MSRA: variants seen among roughly 807,000 people sequenced by gnomAD.
MSRA encodes the protein mitochondrial peptide methionine sulfoxide reductase.
MSRA carries 54 observed loss-of-function variants against 31.3 expected under a neutral mutation model. The observed-to-expected ratio is 1.73, with a 90% confidence interval of 1.39 to 2.17. The LOEUF (loss-of-function observed/expected upper bound fraction) is 2.17. Among genes scored for constraint, MSRA ranks in the 30% most tolerant of loss-of-function variants. The pLI is 0.00. For synonymous variants in MSRA, 169 were observed against 116.5 expected (o/e 1.45, Z -2.90); for missense variants, 507 against 300.9 (o/e 1.69, Z -5.07).
chr8:10,082,088 C>G (rs1475226700), intron 1 of MSRA, among the ~76,000 whole-genome samples: 2 of 152,000 alleles, frequency 1.3e-5, no homozygotes, highest in Non-Finnish European at 2.9e-5. Flanking sequence ...CACCCGTAGT[C>G]CCAGCTACTT....
intron 1 of MSRA, among the ~76,000 whole-genome samples, chr8:10,140,293 G>T (rs539637310): frequency 2.6e-5 from 4 of 152,308 alleles, no homozygotes; most frequent in Admixed American, 6.5e-5. Context: ...CTTATGACCT[G>T]CCATAGGGGA....
intron 1 of MSRA, among the ~76,000 whole-genome samples, chr8:10,117,373 C>A (rs997288040): frequency 6.6e-6 from 1 of 152,158 alleles, no homozygotes; most frequent in South Asian, 2.1e-4. Flanking sequence ...ACAGCTCTTC[C>A]CTAGACTGGG....
At chr8:10,374,887 G>A (rs544497906) in intron 5 of MSRA, among the ~76,000 whole-genome samples, 1 of 152,108 alleles carries the variant, frequency 6.6e-6, no homozygotes, top group East Asian at 1.9e-4. Flanking sequence ...GGTAATAAGG[G>A]AGTTCTCACC....
intron 3 of MSRA, among the ~76,000 whole-genome samples, chr8:10,262,741 T>A (rs946520224): frequency 6.6e-6 from 1 of 152,212 alleles, no homozygotes; most frequent in African/African-American, 2.4e-5. Context: ...CCAGAGTAGT[T>A]CTGGGAAGGT....
chr8:10,423,932 T>C (rs1283053756), intron 5 of MSRA, among the ~76,000 whole-genome samples: 2 of 151,548 alleles, frequency 1.3e-5, no homozygotes, highest in Non-Finnish European at 3.0e-5. Flanking sequence ...CATTCATTCA[T>C]TAATTGCACA....
chr8:10,199,961 A>G (rs945478572), intron 1 of MSRA, among the ~76,000 whole-genome samples: 3 of 152,200 alleles, frequency 2.0e-5, no homozygotes, highest in African/African-American at 7.2e-5. Flanking sequence ...GTACCAGCTT[A>G]TGCCTCACCA....
chr8:10,191,898 T>C (rs1168308824), intron 1 of MSRA, among the ~76,000 whole-genome samples: 3 of 152,212 alleles, frequency 2.0e-5, no homozygotes, highest in Admixed American at 1.3e-4. Context: ...ACAACACTCA[T>C]TTACTATCCC....
chr8:10,415,006 G>A (rs1808371144), intron 5 of MSRA, among the ~76,000 whole-genome samples: 1 of 152,186 alleles, frequency 6.6e-6, no homozygotes, highest in African/African-American at 2.4e-5. Context: ...AAAGCCAGCA[G>A]ACCTCAAAGG....
At chr8:10,121,665 C>G (rs753684162) in intron 1 of MSRA, among the ~76,000 whole-genome samples, 3 of 151,798 alleles carry the variant, frequency 2.0e-5, no homozygotes, top group Non-Finnish European at 4.4e-5. Context: ...TTCTTACTCC[C>G]TCTCCCTCTC....
Position 10,225,453 on chromosome 8 carries a change from C to G in MSRA, c.211+17552C>G, listed in dbSNP as rs1585212273. On this transcript the variant is annotated intron_variant, in intron 2 of 5. Coordinates refer to ENST00000317173, the MANE Select transcript of MSRA (RefSeq NM_012331.5). ...TGGGGCCTAGTCTCAAATATAAGCC[C>G]TGAATATAAATACTTGTTAGATGAA... Among the ~76,000 whole-genome samples the G allele has an allele frequency of 2.6e-5, 4 of 152,168 alleles. No individual in the cohort carries two copies. The East Asian group carries it at 7.7e-4, about 29-fold the overall frequency.
intron 1 of MSRA, among the ~76,000 whole-genome samples, chr8:10,084,155 C>G (rs988922463): frequency 1.3e-5 from 2 of 152,260 alleles, no homozygotes; most frequent in Non-Finnish European, 1.5e-5. Flanking sequence ...GGAGTACTCT[C>G]CGACTTGTCC....
At chr8:10,280,267 C>G (rs781223747) in intron 3 of MSRA, among the ~76,000 whole-genome samples, 8 of 151,940 alleles carry the variant, frequency 5.3e-5, no homozygotes, top group Non-Finnish European at 8.8e-5. Context: ...ACTTTTGCCC[C>G]CCTCTTTTAG....
intron 1 of MSRA, among the ~76,000 whole-genome samples, chr8:10,140,472 A>T (rs928736808): frequency 6.6e-6 from 1 of 152,200 alleles, no homozygotes; most frequent in African/African-American, 2.4e-5. Flanking sequence ...CATTTGCCAT[A>T]AATGTTTAGC....
At chr8:10,371,352 T>G (rs1805464510) in intron 5 of MSRA, among the ~76,000 whole-genome samples, 1 of 151,920 alleles carries the variant, frequency 6.6e-6, no homozygotes, top group Non-Finnish European at 1.5e-5. Flanking sequence ...GGGGAGAGTG[T>G]CCTCAGTCCC....
chr8:10,183,779 T>TGGG (rs1806761444), intron 1 of MSRA, among the ~76,000 whole-genome samples: 1 of 145,046 alleles, frequency 6.9e-6, no homozygotes, highest in African/African-American at 2.6e-5. Flanking sequence ...GAGCTGGTGG[T>TGGG]GGTGGTGGTG....
At position 10,428,538 on chromosome 8, in the gene MSRA, C is replaced by T; in HGVS notation, c.*226C>T. 1 of 489,448 alleles carries T rather than the reference C, an allele frequency of 2.0e-6. No homozygotes were observed. The highest frequency in any genetic ancestry group is 3.6e-6 in the Non-Finnish European group (1 of 274,454). 30.3% of individuals were successfully genotyped at this position (489,448 alleles called of 1,614,324 possible). On this transcript the variant is annotated 3_prime_UTR_variant, in exon 6 of 6. Coordinates refer to ENST00000317173, the MANE Select transcript of MSRA (RefSeq NM_012331.5). The stretch of plus-strand genomic sequence containing the variant: ...GGTGGGAGTGGAGCTGTGCAGTTTC[C>T]TGTGTCTTCTGGGGTCTGAGTGAAG...
intron 1 of MSRA, among the ~76,000 whole-genome samples, chr8:10,152,825 TA>T (rs1344655391): frequency 6.6e-6 from 1 of 152,088 alleles, no homozygotes; most frequent in Non-Finnish European, 1.5e-5. Flanking sequence ...TATTCAGCCT[TA>T]AAAAGGAAGG....
intron 3 of MSRA, among the ~76,000 whole-genome samples, chr8:10,300,606 C>T (rs944138137): frequency 1.2e-4 from 19 of 152,172 alleles, no homozygotes; most frequent in African/African-American, 4.6e-4. Context: ...CCAGGCTACT[C>T]GAACTCCTGA....
intron 1 of MSRA, among the ~76,000 whole-genome samples, chr8:10,159,403 A>G (rs12678468): frequency 0.25 from 38,321 of 152,048 alleles, 5,882 homozygotes; most frequent in East Asian, 0.49. Context: ...TTGTTAATAT[A>G]TATCAGCAGT....
Sources: allele counts gnomAD v4.1 joint callset (sites outside exome capture counted in the v4.1 genomes callset), GRCh38; gene constraint gnomAD v4.1.1; transcripts MANE v1.5; gene names NCBI Gene and HGNC (gene_info 2026-07-23, HGNC 2026-07-21).